DIAPH1: variants seen among roughly 807,000 people sequenced by gnomAD.
DIAPH1 encodes diaphanous related formin 1.
DIAPH1 carries 46 observed loss-of-function variants against 140.7 expected under a neutral mutation model. The observed-to-expected ratio is 0.33, with a 90% CI of 0.26 to 0.42. The LOEUF (loss-of-function observed/expected upper bound fraction) is 0.42, where lower values mean the gene tolerates loss of function less well. Ranked by LOEUF, DIAPH1 falls within the 10% of genes least tolerant of loss-of-function variation. The pLI, the probability that DIAPH1 is intolerant of heterozygous loss-of-function variation, is 1.00. For synonymous variants in DIAPH1, 565 were observed against 551.6 expected (o/e 1.02, Z -0.34); for missense variants, 1,310 against 1,558.7 (o/e 0.84, Z 2.69).
intron 8 of DIAPH1, 81 bp downstream of exon 8, chr5:141,580,663 C>A: frequency 1.4e-6 from 2 of 1,448,972 alleles, no homozygotes; most frequent in South Asian, 2.3e-5. Context: ...GAGAGGACAC[C>A]CAACCAACTC....
chr5:141,536,209 G>A (rs62379251), intron 18 of DIAPH1: 12 of 285,638 alleles, frequency 4.2e-5, no homozygotes, highest in African/African-American at 9.1e-5. Context: ...GGTTGACGTG[G>A]GAAAATCACC....
intron 3 of DIAPH1, among the ~76,000 whole-genome samples, chr5:141,584,757 A>G (rs1218643765): frequency 6.6e-6 from 1 of 152,214 alleles, no homozygotes; most frequent in Non-Finnish European, 1.5e-5. Context: ...AATCTGATGT[A>G]TGTTTGGGGA....
Position 141,582,355 on chromosome 5 carries a change from T to C in DIAPH1, c.641A>G (p.Lys214Arg). ...TTTCAAGCAGCGAATGATCTCATGCTTGTTCCGGCTATCGTAACTCCTGTA... is the reference window on the plus strand; with the variant it reads ...TTTCAAGCAGCGAATGATCTCATGCCTGTTCCGGCTATCGTAACTCCTGTA... ...ETAGSYDSRN[K>R]HEIIRCLKAF... Residue 214 changes from lysine (K) to arginine (R), a missense_variant, in exon 7 of 28, where the codon AAG becomes AGG. By Grantham distance (26) the Lys-to-Arg change is conservative. Around this residue, in one of 3 missense-constraint regions of DIAPH1, gnomAD observed 377 missense variants for 497.1 expected, o/e 0.76. Transcript: ENST00000389054. The C allele has an allele frequency of 6.2e-7, 1 of 1,613,860 alleles. No homozygotes were observed. Among genetic ancestry groups the C allele is most frequent in the Non-Finnish European group, 8.5e-7 (1 of 1,179,736 alleles).
chr5:141,594,652 A>G (rs2099899025), intron 1 of DIAPH1, among the ~76,000 whole-genome samples: 1 of 151,748 alleles, frequency 6.6e-6, no homozygotes, highest in African/African-American at 2.4e-5. Flanking sequence ...CTGAGGTATG[A>G]GAATCGCTTG....
At chr5:141,560,899 G>A in intron 18 of DIAPH1, 1 of 455,124 alleles carries the variant, frequency 2.2e-6, no homozygotes, top group South Asian at 1.6e-5. Flanking sequence ...TCCCTTCTTT[G>A]TTCCTGAGGT....
At chr5:141,530,038 C>T (rs1021139792) in intron 19 of DIAPH1, among the ~76,000 whole-genome samples, 19 of 151,998 alleles carry the variant, frequency 1.3e-4, no homozygotes, top group Non-Finnish European at 2.4e-4. Context: ...GAGCTGTGAC[C>T]GCACCACTGC....
At chr5:141,549,266 A>G (rs1203043084) in intron 18 of DIAPH1, among the ~76,000 whole-genome samples, 1 of 152,204 alleles carries the variant, frequency 6.6e-6, no homozygotes, top group Non-Finnish European at 1.5e-5. Context: ...CTATACTAGT[A>G]TCAGATAGAG....
intron 18 of DIAPH1, among the ~76,000 whole-genome samples, chr5:141,548,255 C>A (rs1427325449): frequency 2.3e-5 from 3 of 131,696 alleles, no homozygotes; most frequent in African/African-American, 2.8e-5. Flanking sequence ...AAATGAAAAA[C>A]AATAAGACTG....
intron 18 of DIAPH1, among the ~76,000 whole-genome samples, chr5:141,540,655 A>T (rs1337079338): frequency 1.3e-5 from 2 of 149,614 alleles, no homozygotes; most frequent in Admixed American, 6.7e-5. Flanking sequence ...ACCTCAGGGG[A>T]TCCACTCACC....
chr5:141,562,881 C>T (rs1479496169), intron 18 of DIAPH1, among the ~76,000 whole-genome samples: 2 of 152,186 alleles, frequency 1.3e-5, no homozygotes, highest in Non-Finnish European at 2.9e-5. Flanking sequence ...CACTGGATCA[C>T]TCTTTTGTTC....
At chr5:141,542,629 T>C (rs976759803) in intron 18 of DIAPH1, among the ~76,000 whole-genome samples, 3 of 152,058 alleles carry the variant, frequency 2.0e-5, no homozygotes, top group African/African-American at 7.2e-5. Flanking sequence ...TTCACTTATA[T>C]GAAATATTCA....
intron 1 of DIAPH1, among the ~76,000 whole-genome samples, chr5:141,607,604 T>C (rs2099901180): frequency 6.6e-6 from 1 of 152,218 alleles, no homozygotes; most frequent in Non-Finnish European, 1.5e-5. Flanking sequence ...TCTGCAGGTT[T>C]TTATAGAAAG....
intron 1 of DIAPH1, among the ~76,000 whole-genome samples, chr5:141,589,551 T>C (rs2099898054): frequency 7.0e-6 from 1 of 143,406 alleles, no homozygotes; most frequent in South Asian, 2.2e-4. Context: ...TTACATTCAG[T>C]TCAAAAACAT....
At position 141,534,404 on chromosome 5, in the gene DIAPH1, T is replaced by C; in HGVS notation, c.2512A>G (p.Lys838Glu). The change falls in exon 19 of 28, where the codon AAG (lysine) becomes GAG (glutamate). Residue 838 changes from lysine (K) to glutamate (E), a missense_variant. By Grantham distance (56) the Lys-to-Glu change is moderately conservative (BLOSUM62 1). Around this residue, in one of 3 missense-constraint regions of DIAPH1, gnomAD observed 589 missense variants for 549.3 expected, o/e 1.07. Coordinates refer to ENST00000389054, the MANE Select transcript of DIAPH1 (RefSeq NM_005219.5). Reference protein sequence around the residue: ...AKKDQEGGEEKKSVQKKKVKE... With the variant: ...AKKDQEGGEEEKSVQKKKVKE... Reference sequence around the variant, plus strand: ...ACTTTTTTCTTTTGCACAGATTTCTTTTCTTCTCCACCTTCTTGATCCTTC... The same window carrying C: ...ACTTTTTTCTTTTGCACAGATTTCTCTTCTTCTCCACCTTCTTGATCCTTC... 1 of 1,613,870 alleles carries C rather than the reference T, an allele frequency of 6.2e-7. No individual in the cohort carries two copies. Among genetic ancestry groups the C allele is most frequent in the Non-Finnish European group, 8.5e-7 (1 of 1,180,012 alleles).
intron 18 of DIAPH1, among the ~76,000 whole-genome samples, chr5:141,558,790 G>A (rs983427404): frequency 6.6e-6 from 1 of 152,068 alleles, no homozygotes; most frequent in African/African-American, 2.4e-5. Context: ...AAAAACTTGT[G>A]GGTACAAGTC....
intron 18 of DIAPH1, among the ~76,000 whole-genome samples, chr5:141,554,403 A>G (rs897878705): frequency 1.3e-5 from 2 of 152,226 alleles, no homozygotes; most frequent in South Asian, 4.1e-4. Flanking sequence ...AACCAGTCCT[A>G]TAACCATAAA....
intron 16 of DIAPH1, among the ~76,000 whole-genome samples, chr5:141,572,449 C>G (rs1281232690): frequency 6.6e-6 from 1 of 152,236 alleles, no homozygotes; most frequent in African/African-American, 2.4e-5. Context: ...AAAAGGCTAA[C>G]TCACTCAGAA....
intron 1 of DIAPH1, among the ~76,000 whole-genome samples, chr5:141,597,984 A>C (rs938309396): frequency 6.6e-6 from 1 of 152,150 alleles, no homozygotes; most frequent in African/African-American, 2.4e-5. Context: ...CTTGGCCCTC[A>C]CTGCAGGCCT....
Position 141,618,920 on chromosome 5 carries a change from G to A in DIAPH1, c.-6C>T, listed in dbSNP as rs953576804. On this transcript the variant is annotated 5_prime_UTR_variant, in exon 1 of 28. Transcript: ENST00000389054. Reference sequence around the variant, plus strand: ...CTCCCGCCGGGCGGCTCCATGTCCCGGTTCACGCTGGCCGGCGACCCCGCG... The same window carrying A: ...CTCCCGCCGGGCGGCTCCATGTCCCAGTTCACGCTGGCCGGCGACCCCGCG... 4.7e-5 allele frequency: 70 copies of A among 1,474,578 alleles called. No individual in the cohort carries two copies. The highest frequency in any genetic ancestry group is 5.9e-5 in the African/African-American group (4 of 67,796). The allele number at this position is 1,474,578 out of a possible 1,614,324, so 91.3% of individuals were successfully genotyped here. A position where few individuals can be genotyped will look rare whatever the true frequency, so the allele number is the denominator to read the frequency against.
Sources: allele counts gnomAD v4.1 joint callset (sites outside exome capture counted in the v4.1 genomes callset), GRCh38; gene constraint gnomAD v4.1.1; regional missense constraint gnomAD v4.1.1; transcripts MANE v1.5; gene names NCBI Gene and HGNC (gene_info 2026-07-23, HGNC 2026-07-21).